The following RTKN variants were observed in gnomAD, a reference collection of about 807,000 sequenced individuals.
RTKN encodes rhotekin.
RTKN carries 49 observed loss-of-function variants against 63.5 expected under a neutral mutation model. The ratio of observed to expected loss-of-function variants is 0.77; its 90% CI spans 0.61 to 0.98. RTKN has a LOEUF of 0.98. Among genes scored for constraint, RTKN ranks in the 50% least tolerant of loss-of-function variants. The probability of loss-of-function intolerance (pLI) is 0.00; values close to 1 mark genes in which losing one functional copy is unlikely to be tolerated. For synonymous variants in RTKN, 295 were observed against 290.4 expected (o/e 1.02, Z -0.16); for missense variants, 685 against 740.8 (o/e 0.92, Z 0.87).
chr2:74,427,577 C>T lies in RTKN; in HGVS notation c.1102G>A (p.Ala368Thr), dbSNP rs375927978. 1.2e-6 allele frequency: 2 copies of T among 1,612,522 alleles called. No individual in the cohort carries two copies. The highest frequency in any genetic ancestry group is 2.7e-5 in the African/African-American group (2 of 74,968). Residue 368 changes from alanine (A) to threonine (T), a missense_variant, in exon 10 of 12, where the codon GCA becomes ACA. Coordinates refer to ENST00000272430, the MANE Select transcript of RTKN (RefSeq NM_001015055.2). Reference protein sequence around the residue: ...IAVNKETRVRAGELDQALGRP... With the variant: ...IAVNKETRVRTGELDQALGRP... The stretch of plus-strand genomic sequence containing the variant: ...CCTAGAGCCTGGTCCAGCTCCCCTG[C>T]CCGGACTCGAGTCTCCTGCAGGAGA...
intron 9 of RTKN, 191 bp from the exon 10 acceptor site, chr2:74,427,783 G>A: frequency 1.7e-6 from 1 of 599,210 alleles, no homozygotes; most frequent in Non-Finnish European, 2.9e-6. Flanking sequence ...TCCTGAGTCA[G>A]GGGAGGAGGA....
At position 74,430,017 on chromosome 2, in the gene RTKN, A is replaced by G; in HGVS notation, c.566T>C (p.Phe189Ser). 1.2e-6 allele frequency: 2 copies of G among 1,614,194 alleles called. No homozygotes were observed. The highest frequency in any genetic ancestry group is 1.3e-5 in the African/African-American group (1 of 75,050). Residue 189 changes from phenylalanine (F) to serine (S), a missense_variant, in exon 6 of 12, where the codon TTT becomes TCT. Physicochemically the swap from Phe to Ser is radical, Grantham distance 155 (BLOSUM62 -2). Transcript: ENST00000272430. ...NVLFAEAGPD[F>S]ELRLELYGAC... ...CCCATACAGCTCTAACCGCAGTTCA[A>G]AGTCTGGCCCCGCCTCAGCGCTGGT...
chr2:74,427,103 G>A, intron 11 of RTKN, 66 bp downstream of exon 11: 1 of 1,554,550 alleles, frequency 6.4e-7, no homozygotes, highest in Non-Finnish European at 8.8e-7. Context: ...CCATTATCTG[G>A]TTTCTCTTGA....
chr2:74,441,070 C>T (rs1467181460), intron 1 of RTKN, among the ~76,000 whole-genome samples: 1 of 152,248 alleles, frequency 6.6e-6, no homozygotes, highest in Non-Finnish European at 1.5e-5. Flanking sequence ...GGGGATCCAA[C>T]AGGTTAACGC....
At chr2:74,427,120 C>T in intron 11 of RTKN, 49 bp downstream of exon 11, 3 of 1,578,670 alleles carry the variant, frequency 1.9e-6, no homozygotes, top group South Asian at 2.2e-5. Context: ...TTGAAGTCCC[C>T]AACCCTACTT....
intron 1 of RTKN, among the ~76,000 whole-genome samples, chr2:74,438,511 C>T (rs1017930783): frequency 2.0e-5 from 3 of 152,210 alleles, no homozygotes. Context: ...AAAAACATGG[C>T]ATGAGTCATT....
At position 74,429,033 on chromosome 2, in the gene RTKN, G is replaced by A. The variant is rs1272527162; in HGVS notation, c.756-91C>T. On this transcript the variant is annotated intron_variant, in intron 6 of 11. Transcript: ENST00000272430. ...CTGAGCAGATCTGCCCCATTGTTCA[G>A]ACTGCCCCACAGAAAACTCGCTTGC... is the stretch of plus-strand genomic sequence containing the variant. The A allele has an allele frequency of 5.8e-6, 6 of 1,033,754 alleles. No individual in the cohort carries two copies. In the Admixed American group the frequency reaches 9.5e-5, roughly 16 times the overall value. 64.0% of individuals were successfully genotyped at this position (1,033,754 alleles called of 1,614,324 possible).
At position 74,430,689 on chromosome 2, in the gene RTKN, TC is replaced by T. The variant is rs1237999687; in HGVS notation, c.312-13del. ...CACTGTCAGAAGGCCTGTGGATAAA[TC>T]ACAATGTCCTGGCCTGGCCTCTAGC... On this transcript the variant is annotated splice_polypyrimidine_tract_variant and intron_variant, in intron 2 of 11. Transcript: ENST00000272430. 1 of 1,610,050 alleles carries T rather than the reference TC, an allele frequency of 6.2e-7. No individual in the cohort carries two copies. Among genetic ancestry groups the T allele is most frequent in the African/African-American group, 1.3e-5 (1 of 74,806 alleles).
chr2:74,428,103 T>C, intron 9 of RTKN, 165 bp downstream of exon 9: 1 of 782,676 alleles, frequency 1.3e-6, no homozygotes. Context: ...CTCACAGTGA[T>C]GCTGTAGTTG....
chr2:74,427,221 G>A lies in RTKN; in HGVS notation c.1308C>T (p.Pro436=), dbSNP rs763357914. ...TTGCCAGTGCTTGGGGTGGTTTCCG[G>A]GGAGCAGGAGTTTCAATTTTCATGA... ...DEIMKIETPA[P]RKPPQALAKQ... is the part of the protein sequence containing the mutation. The change falls in exon 11 of 12, where the codon CCC becomes CCT. Residue 436 remains proline (P), a synonymous_variant. Coordinates refer to ENST00000272430, the MANE Select transcript of RTKN (RefSeq NM_001015055.2). 1.9e-6 allele frequency: 3 copies of A among 1,614,124 alleles called. No homozygotes were observed. Among genetic ancestry groups the A allele is most frequent in the Middle Eastern group, 1.7e-4 (1 of 6,060 alleles).
Position 74,428,248 on chromosome 2 carries a change from A to T in RTKN, c.1086+20T>A, listed in dbSNP as rs781632471. The stretch of plus-strand genomic sequence containing the variant: ...CTGGGCCTGTGCCCTTGGTGGCCTT[A>T]CTACCAAGGGACCCATCACCTTGTT... On this transcript the variant is annotated intron_variant, in intron 9 of 11. Transcript: ENST00000272430. 3 of 1,614,108 alleles carry T rather than the reference A, an allele frequency of 1.9e-6. No individual in the cohort carries two copies. The Admixed American group carries it at 5.0e-5, about 27-fold the overall frequency.
rs558892977 is a variant in RTKN, at chr2:74,441,371, G to C, written c.111+335C>G. Reference sequence around the variant, plus strand: ...AGTCCGAGCGCTTGGGGCCCGCCTAGCTGCCCACCGCCCTTGGCCCGGGGA... The same window carrying C: ...AGTCCGAGCGCTTGGGGCCCGCCTACCTGCCCACCGCCCTTGGCCCGGGGA... On this transcript the variant is annotated intron_variant, in intron 1 of 11. Coordinates refer to ENST00000272430, the MANE Select transcript of RTKN (RefSeq NM_001015055.2). Among the ~76,000 whole-genome samples, 8 of 152,328 alleles carry C rather than the reference G, an allele frequency of 5.3e-5. No individual in the cohort carries two copies. In the East Asian group the frequency reaches 1.5e-3, roughly 29 times the overall value.
At position 74,439,635 on chromosome 2, in the gene RTKN, C is replaced by T. The variant is rs141405336; in HGVS notation, c.111+2071G>A. On this transcript the variant is annotated intron_variant, in intron 1 of 11. Transcript: ENST00000272430. ...ATCTGTCCTGCATCTCTGTGCCCCC[C>T]GGTGCCCTTTCCCTTGTCAACCCCT... 3.8e-5 allele frequency: 62 copies of T among 1,613,828 alleles called. No individual in the cohort carries two copies. In the Admixed American group the frequency reaches 5.5e-4, roughly 14 times the overall value.
At chr2:74,434,372 C>A (rs1164297919) in intron 1 of RTKN, among the ~76,000 whole-genome samples, 1 of 151,860 alleles carries the variant, frequency 6.6e-6, no homozygotes, top group Admixed American at 6.6e-5. Context: ...ACTCCGCCTC[C>A]CAGGTTCAAG....
rs1386865588 is a variant in RTKN at position 74,430,249 on chromosome 2, C to G, written c.545+3G>C. 6.2e-7 allele frequency: 1 copy of G among 1,607,226 alleles called. No individual in the cohort carries two copies. Among genetic ancestry groups the G allele is most frequent in the South Asian group, 1.1e-5 (1 of 90,908 alleles). Reference sequence around the variant, plus strand: ...GGAGGTAGCCACAGTGTGAGGTACTCACAAGAGCACATTGCTCTGAAAGGA... The same window carrying G: ...GGAGGTAGCCACAGTGTGAGGTACTGACAAGAGCACATTGCTCTGAAAGGA... On this transcript the variant is annotated splice_donor_region_variant and intron_variant, in intron 5 of 11. Coordinates refer to ENST00000272430, the MANE Select transcript of RTKN (RefSeq NM_001015055.2).
chr2:74,439,475 G>T, intron 1 of RTKN: 1 of 1,511,890 alleles, frequency 6.6e-7, no homozygotes, highest in Non-Finnish European at 9.2e-7. Flanking sequence ...CCATGCTGTA[G>T]CAGGAATGGG....
Position 74,429,718 on chromosome 2 carries a change from C to T in RTKN, c.755+110G>A, listed in dbSNP as rs1670624636. 12 of 1,037,640 alleles carry T rather than the reference C, an allele frequency of 1.2e-5. No individual in the cohort carries two copies. In the East Asian group the frequency reaches 3.0e-4, roughly 26 times the overall value. The allele number at this position is 1,037,640 out of a possible 1,614,324, so 64.3% of individuals were successfully genotyped here. A position where few individuals can be genotyped will look rare whatever the true frequency, so the allele number is the denominator to read the frequency against. On this transcript the variant is annotated intron_variant, in intron 6 of 11. Coordinates refer to ENST00000272430, the MANE Select transcript of RTKN (RefSeq NM_001015055.2). ...GCCACTGCTCATTCATATCTGTCTG[C>T]ACATCCTGGCAGCAATGCAAAATGG... is the stretch of plus-strand genomic sequence containing the variant.
rs1670555240 is a variant in RTKN, at chr2:74,428,652, T to TG, written c.935dup (p.Ser313LysfsTer34). 1 of 1,613,638 alleles carries TG rather than the reference T, an allele frequency of 6.2e-7. No individual in the cohort carries two copies. The highest frequency in any genetic ancestry group is 1.3e-5 in the African/African-American group (1 of 74,888). ...TCACCTGCACCCTGAGGGTACCACT[T>TG]GCAGTGGGCTGAGTCATGCAGAGAG... On this transcript the variant is annotated frameshift_variant, in exon 8 of 12. Transcript: ENST00000272430. LOFTEE classifies it high-confidence loss of function.
chr2:74,427,107 C>A, intron 11 of RTKN, 62 bp downstream of exon 11: 2 of 1,560,432 alleles, frequency 1.3e-6, no homozygotes, highest in Non-Finnish European at 1.8e-6. Context: ...TATCTGGTTT[C>A]TCTTGAAGTC....
Sources: allele counts gnomAD v4.1 joint callset (sites outside exome capture counted in the v4.1 genomes callset), GRCh38; gene constraint gnomAD v4.1.1; transcripts MANE v1.5; gene names NCBI Gene and HGNC (gene_info 2026-07-23, HGNC 2026-07-21).